The following HECW1 variants were observed in gnomAD, a reference collection of about 807,000 sequenced individuals.
HECW1 encodes the protein HECT, C2 and WW domain containing E3 ubiquitin protein ligase 1.
In HECW1, 61 loss-of-function variants were observed where a neutral mutation model predicts 182.3. The ratio of observed to expected loss-of-function variants is 0.33; its 90% CI spans 0.27 to 0.41. The LOEUF (loss-of-function observed/expected upper bound fraction) is 0.41, where lower values mean the gene tolerates loss of function less well. HECW1 is among the 10% of genes least tolerant of loss of function. HECW1 has a pLI of 1.00. For synonymous variants in HECW1, 859 were observed against 832.6 expected, an observed-to-expected ratio of 1.03 and a Z score of -0.55; for missense variants, 1,739 against 2,108.9, an observed-to-expected ratio of 0.82 and a Z score of 3.44.
At chr7:43,521,057 G>C (rs1010779697) in intron 24 of HECW1, among the ~76,000 whole-genome samples, 1 of 152,218 alleles carries the variant, frequency 6.6e-6, no homozygotes. Flanking sequence ...AACCTGGGCA[G>C]CTTTCTTAAC....
At chr7:43,478,345 G>A (rs1376164063) in intron 16 of HECW1, among the ~76,000 whole-genome samples, 2 of 152,164 alleles carry the variant, frequency 1.3e-5, no homozygotes, top group African/African-American at 4.8e-5. Flanking sequence ...GAACCCAGGA[G>A]GCAGAGGTTG....
chr7:43,479,874 C>G (rs775124581), intron 17 of HECW1, 130 bp downstream of exon 17: 3 of 1,053,794 alleles, frequency 2.8e-6, no homozygotes, highest in African/African-American at 3.2e-5. Context: ...CCATATGCAC[C>G]CTGCTTTGTA....
intron 2 of HECW1, among the ~76,000 whole-genome samples, chr7:43,191,815 C>A (rs1267330650): frequency 1.3e-5 from 2 of 152,152 alleles, no homozygotes; most frequent in African/African-American, 4.8e-5. Context: ...AATAATACAG[C>A]AAACTCATAT....
chr7:43,315,673 T>C (rs980247026), intron 4 of HECW1, among the ~76,000 whole-genome samples: 1 of 152,050 alleles, frequency 6.6e-6, no homozygotes, highest in African/African-American at 2.4e-5. Context: ...TTTCTATTTT[T>C]AGTAGAGATG....
At chr7:43,298,816 G>A (rs926924619) in intron 3 of HECW1, among the ~76,000 whole-genome samples, 14 of 152,218 alleles carry the variant, frequency 9.2e-5, no homozygotes, top group African/African-American at 3.4e-4. Context: ...ACCACGAGGT[G>A]CAGGCTCTGT....
intron 6 of HECW1, among the ~76,000 whole-genome samples, chr7:43,390,510 A>AGCC (rs1364440231): frequency 1.4e-5 from 2 of 146,556 alleles, no homozygotes. Context: ...TACTGCATCC[A>AGCC]GCCTGGGTGG....
intron 2 of HECW1, among the ~76,000 whole-genome samples, chr7:43,164,216 CAG>C (rs761841766): frequency 6.6e-6 from 1 of 152,126 alleles, no homozygotes; most frequent in Non-Finnish European, 1.5e-5. Context: ...GGGCTGGAGA[CAG>C]GGAGGCAGCA....
intron 2 of HECW1, among the ~76,000 whole-genome samples, chr7:43,137,258 A>G (rs1164209423): frequency 6.6e-6 from 1 of 152,094 alleles, no homozygotes; most frequent in Non-Finnish European, 1.5e-5. Flanking sequence ...TCCCAGGGTG[A>G]TGCTTTCAGC....
In HECW1 at chr7:43,505,129, C is replaced by T. The variant is rs377363194; in HGVS notation, c.3632-2008C>T. Among the ~76,000 whole-genome samples the T allele has an allele frequency of 2.0e-5, 3 of 152,280 alleles. No individual in the cohort carries two copies. In the South Asian group the frequency reaches 6.2e-4, roughly 32 times the overall value. ...AAGTCTCAAACCCAGGCTTTTTTCT[C>T]CACTCAAACTGTGTATCTCTCCAGA... On this transcript the variant is annotated intron_variant, in intron 21 of 29. Coordinates refer to ENST00000395891, the MANE Select transcript of HECW1 (RefSeq NM_015052.5).
intron 2 of HECW1, among the ~76,000 whole-genome samples, chr7:43,195,477 C>G (rs1794371412): frequency 1.3e-5 from 2 of 152,100 alleles, no homozygotes; most frequent in South Asian, 4.1e-4. Context: ...CTTGAACGAC[C>G]AGTAGCCCTC....
At chr7:43,238,364 A>G in intron 2 of HECW1, among the ~76,000 whole-genome samples, 1 of 150,800 alleles carries the variant, frequency 6.6e-6, no homozygotes, top group Admixed American at 6.6e-5. Context: ...TTGACTTCTC[A>G]TGTGACTTTT....
intron 8 of HECW1, among the ~76,000 whole-genome samples, chr7:43,413,171 T>C (rs1285560461): frequency 2.3e-5 from 3 of 132,162 alleles, no homozygotes; most frequent in African/African-American, 5.7e-5. Context: ...TGGTATCTCA[T>C]AGTGGTTTTG....
At chr7:43,321,633 A>C (rs1206936859) in intron 5 of HECW1, among the ~76,000 whole-genome samples, 2 of 152,244 alleles carry the variant, frequency 1.3e-5, no homozygotes, top group Non-Finnish European at 2.9e-5. Flanking sequence ...GTGGCATGTC[A>C]GAAAGGAAAT....
At chr7:43,208,570 C>T (rs1351970574) in intron 2 of HECW1, among the ~76,000 whole-genome samples, 1 of 152,210 alleles carries the variant, frequency 6.6e-6, no homozygotes, top group East Asian at 1.9e-4. Flanking sequence ...CTCTTCTGGG[C>T]CTTGTAGGAT....
chr7:43,443,555 G>A (rs1315412080), intron 10 of HECW1, among the ~76,000 whole-genome samples: 1 of 152,188 alleles, frequency 6.6e-6, no homozygotes, highest in Non-Finnish European at 1.5e-5. Flanking sequence ...TTCACATCTG[G>A]CAGGAATCCA....
rs1277895702 is a variant in HECW1 at position 43,525,231 on chromosome 7, C to A, written c.4020-15932C>A. On this transcript the variant is annotated intron_variant, in intron 24 of 29. Transcript: ENST00000395891. ...ATGGCTGAGAAATTTTTAGGCTTGA[C>A]TCTAAGTATGAAAATTAACAAAATT... Among the ~76,000 whole-genome samples the A allele has an allele frequency of 2.0e-5, 3 of 152,094 alleles. No individual in the cohort carries two copies. In the East Asian group the frequency reaches 5.8e-4, roughly 29 times the overall value.
At chr7:43,260,427 G>C (rs1801048979) in intron 3 of HECW1, among the ~76,000 whole-genome samples, 1 of 152,220 alleles carries the variant, frequency 6.6e-6, no homozygotes. Flanking sequence ...GCAAGGAAAA[G>C]AGATGAGCCA....
At chr7:43,116,625 T>C (rs940064218) in intron 2 of HECW1, among the ~76,000 whole-genome samples, 1 of 152,202 alleles carries the variant, frequency 6.6e-6, no homozygotes, top group Non-Finnish European at 1.5e-5. Flanking sequence ...CCTGCTTCTC[T>C]CCCATTTACC....
At chr7:43,491,994 C>T (rs527797517) in intron 17 of HECW1, 81 bp from the exon 18 acceptor site, 2 of 976,122 alleles carry the variant, frequency 2.0e-6, no homozygotes, top group South Asian at 1.4e-5. Context: ...ATCTTTTACC[C>T]CTTAGGTTGA....
Sources: allele counts gnomAD v4.1 joint callset (sites outside exome capture counted in the v4.1 genomes callset), GRCh38; gene constraint gnomAD v4.1.1; transcripts MANE v1.5; gene names NCBI Gene and HGNC (gene_info 2026-07-23, HGNC 2026-07-21).